TBCD: variants seen among roughly 807,000 people sequenced by gnomAD.
The protein encoded by TBCD is tubulin folding cofactor D.
A neutral mutation model predicts 169.3 loss-of-function variants in TBCD; 105 were observed. That is an observed-to-expected ratio of 0.62 (90% confidence interval 0.53 to 0.73). The LOEUF (loss-of-function observed/expected upper bound fraction) is 0.73, where lower values mean the gene tolerates loss of function less well. TBCD is among the 30% of genes least tolerant of loss of function. The probability of loss-of-function intolerance (pLI) is 0.00; values close to 1 mark genes in which losing one functional copy is unlikely to be tolerated. For missense variants in TBCD, 1,444 were observed against 1,600.1 expected, an observed-to-expected ratio of 0.90 and a Z score of 1.66; for synonymous variants, 700 against 643.9, an observed-to-expected ratio of 1.09 and a Z score of -1.32.
intron 13 of TBCD, among the ~76,000 whole-genome samples, chr17:82,862,038 T>G (rs1452913528): frequency 6.6e-6 from 1 of 152,100 alleles, no homozygotes; most frequent in African/African-American, 2.4e-5. Flanking sequence ...TTCTCCTGCC[T>G]CAGCCTCCTG....
At chr17:82,762,649 T>C (rs2047825932) in intron 2 of TBCD, among the ~76,000 whole-genome samples, 1 of 151,840 alleles carries the variant, frequency 6.6e-6, no homozygotes, top group South Asian at 2.1e-4. Flanking sequence ...CTCAGGAGGC[T>C]GAGGCACGAG....
intron 6 of TBCD, among the ~76,000 whole-genome samples, chr17:82,772,726 G>A (rs913871053): frequency 6.6e-6 from 1 of 152,188 alleles, no homozygotes; most frequent in African/African-American, 2.4e-5. Flanking sequence ...GGGTGCTGGT[G>A]GGGGTCACCT....
chr17:82,764,060 A>G lies in TBCD; in HGVS notation c.331A>G (p.Lys111Glu), dbSNP rs907883723. ...LAFKFLYIITKVRGYKTFLRL... is the reference protein window; with the variant it reads ...LAFKFLYIITEVRGYKTFLRL... ...TTTTAAATTTCTTTACATCATCACC[A>G]AGGTAACATTTCCATAGCACTTCAG... The change falls in exon 3 of 39, where the codon AAG (lysine) becomes GAG (glutamate). Residue 111 changes from lysine to glutamate, a missense_variant and splice_region_variant. Transcript: ENST00000355528. 1.2e-6 allele frequency: 2 copies of G among 1,611,838 alleles called. No individual in the cohort carries two copies. The highest frequency in any genetic ancestry group is 1.1e-5 in the South Asian group (1 of 90,904).
chr17:82,835,521 CAAGAGATT>C lies in TBCD; in HGVS notation c.1318+20588_1318+20595del, dbSNP rs1344478022. Among the ~76,000 whole-genome samples the C allele has an allele frequency of 6.6e-6, 1 of 152,154 alleles. No homozygotes were observed. The highest frequency in any genetic ancestry group is 1.5e-5 in the Non-Finnish European group (1 of 68,028). ...CACTGCAACCTCTGCCTCCTGGGTTCAAGAGATTCTCCTGCCTCAGCCTCCCTAGTAGC... is the reference window on the plus strand; with the variant it reads ...CACTGCAACCTCTGCCTCCTGGGTTCCTCCTGCCTCAGCCTCCCTAGTAGC... On this transcript the variant is annotated intron_variant, in intron 13 of 38. Coordinates refer to ENST00000355528, the MANE Select transcript of TBCD (RefSeq NM_005993.5). The surrounding 1 kb of genome is among the most constrained non-coding windows in gnomAD (Gnocchi z 4.5).
intron 13 of TBCD, among the ~76,000 whole-genome samples, chr17:82,856,795 C>G (rs370858401): frequency 0.038 from 938 of 24,660 alleles, 7 homozygotes; most frequent in African/African-American, 0.081. Flanking sequence ...CGGACCCTCG[C>G]TGCGCATCCA....
At chr17:82,813,915 G>A (rs1357517258) in intron 12 of TBCD, among the ~76,000 whole-genome samples, 1 of 152,156 alleles carries the variant, frequency 6.6e-6, no homozygotes, top group African/African-American at 2.4e-5. Context: ...CAGCCACTGG[G>A]CGGACAGGCA....
chr17:82,889,769 T>C lies in TBCD; in HGVS notation c.1563+72T>C, dbSNP rs966997517. 2.0e-5 allele frequency: 32 copies of C among 1,574,944 alleles called. No individual in the cohort carries two copies. Among genetic ancestry groups the C allele is most frequent in the Middle Eastern group, 3.3e-4 (2 of 5,990 alleles). On this transcript the variant is annotated intron_variant, in intron 16 of 38. Coordinates refer to ENST00000355528, the MANE Select transcript of TBCD (RefSeq NM_005993.5). The surrounding 1 kb of genome is among the most constrained non-coding windows in gnomAD (Gnocchi z 5.3). ...TTATAGGTAGGAATCTTGAGAGCTA[T>C]AACCCTGGTGTCTTCTCGCACTGTG...
rs1259908866 is a variant in TBCD, at chr17:82,874,334, G to A, written c.1475+3954G>A. 6.6e-6 allele frequency among the ~76,000 whole-genome samples: 1 copy of A among 152,142 alleles called. No homozygotes were observed. The highest frequency in any genetic ancestry group is 6.5e-5 in the Admixed American group (1 of 15,280). On this transcript the variant is annotated intron_variant, in intron 14 of 38. Coordinates refer to ENST00000355528, the MANE Select transcript of TBCD (RefSeq NM_005993.5). This position sits in a 1 kb window ranked among gnomAD's most constrained non-coding sequence, Gnocchi z 5.0. ...TGGACTGCACAGCCAGGGCCTCCCC[G>A]GCATGTGGCGGGGCCAGCGTTGGCC...
chr17:82,895,121 A>C (rs970104452), intron 17 of TBCD, among the ~76,000 whole-genome samples: 3 of 152,228 alleles, frequency 2.0e-5, no homozygotes, highest in African/African-American at 7.2e-5. Context: ...GCGTTTTATA[A>C]AAACATTTGC....
At position 82,781,682 on chromosome 17, in the gene TBCD, GCAGGGGGTCATCAC is replaced by G. The variant is rs1224901148; in HGVS notation, c.735_748del (p.Gln245HisfsTer13). The G allele has an allele frequency of 6.2e-7, 1 of 1,613,862 alleles. No homozygotes were observed. The stretch of plus-strand genomic sequence containing the variant: ...TGGCCCGTTCCTCCTTCCAGACCAT[GCAGGGGGTCATCAC>G]CATGGATGGGACGCTGCAGGCCCTG... On this transcript the variant is annotated frameshift_variant, in exon 7 of 39. Transcript: ENST00000355528. LOFTEE classifies it high-confidence loss of function.
chr17:82,916,433 T>TG (rs1182568497), intron 23 of TBCD, among the ~76,000 whole-genome samples: 1 of 151,662 alleles, frequency 6.6e-6, no homozygotes, highest in Admixed American at 6.6e-5. Context: ...TTAGTGGAGA[T>TG]GGGGTTCCAC....
At chr17:82,939,201 C>T (rs2062910998) in intron 36 of TBCD, 166 bp from the exon 37 acceptor site, 1 of 651,784 alleles carries the variant, frequency 1.5e-6, no homozygotes, top group Non-Finnish European at 2.7e-6. Flanking sequence ...GCCTGGAAGG[C>T]ACCTCCTCTT....
intron 13 of TBCD, among the ~76,000 whole-genome samples, chr17:82,861,021 G>T (rs2056714119): frequency 6.6e-6 from 1 of 152,222 alleles, no homozygotes; most frequent in Non-Finnish European, 1.5e-5. Flanking sequence ...GTATTCTTCT[G>T]TTTAATTTTA....
intron 13 of TBCD, among the ~76,000 whole-genome samples, chr17:82,824,648 GC>G (rs1258763467): frequency 6.6e-6 from 1 of 152,088 alleles, no homozygotes; most frequent in Non-Finnish European, 1.5e-5. Flanking sequence ...GTGCACCACC[GC>G]CCCTGGCCAT....
At chr17:82,905,003 A>G (rs1404086068) in intron 19 of TBCD, among the ~76,000 whole-genome samples, 1 of 152,172 alleles carries the variant, frequency 6.6e-6, no homozygotes, top group Non-Finnish European at 1.5e-5. Context: ...TTCTCAAACC[A>G]TCGCAAGCCT....
At chr17:82,898,430 T>G (rs1567986141) in intron 17 of TBCD, among the ~76,000 whole-genome samples, 1 of 152,218 alleles carries the variant, frequency 6.6e-6, no homozygotes, top group Non-Finnish European at 1.5e-5. Flanking sequence ...ACCCTGGGGC[T>G]TGGGCCGTTG....
rs2061378486 is a variant in TBCD, at chr17:82,920,824, C to G, written c.2101+206C>G. ...CCCTCTCCCCCCAACACAGGAGGGC[C>G]CTTCCCCGCCGTCACCTCAGTACCC... On this transcript the variant is annotated intron_variant, in intron 24 of 38. Coordinates refer to ENST00000355528, the MANE Select transcript of TBCD (RefSeq NM_005993.5). This position sits in a 1 kb window ranked among gnomAD's most constrained non-coding sequence, Gnocchi z 4.1. 6.6e-6 allele frequency among the ~76,000 whole-genome samples: 1 copy of G among 152,150 alleles called. No homozygotes were observed.
chr17:82,868,986 C>A (rs970602365), intron 13 of TBCD, among the ~76,000 whole-genome samples: 6 of 151,610 alleles, frequency 4.0e-5, no homozygotes, highest in African/African-American at 1.2e-4. Context: ...GAGACCCTGG[C>A]GTGTGCGTGG....
In TBCD at chr17:82,884,245, G is replaced by C. The variant is rs1215600680; in HGVS notation, c.1533+43G>C. 1.3e-6 allele frequency: 2 copies of C among 1,540,440 alleles called. No individual in the cohort carries two copies. Among genetic ancestry groups the C allele is most frequent in the East Asian group, 2.4e-5 (1 of 42,374 alleles). Reference sequence around the variant, plus strand: ...GATATTTCCTTTCCTGAAGGTGGGGGGTGGGCCTGGTCTCCCTGATGCTCC... The same window carrying C: ...GATATTTCCTTTCCTGAAGGTGGGGCGTGGGCCTGGTCTCCCTGATGCTCC... On this transcript the variant is annotated intron_variant, in intron 15 of 38. Coordinates refer to ENST00000355528, the MANE Select transcript of TBCD (RefSeq NM_005993.5). The surrounding 1 kb of genome is among the most constrained non-coding windows in gnomAD (Gnocchi z 4.2).
Sources: gnomAD v4.1 joint callset for allele counts (sites outside exome capture counted in the v4.1 genomes callset) on GRCh38, gnomAD v4.1.1 for gene constraint, Gnocchi (gnomAD v3.1) non-coding constraint, MANE v1.5 for transcripts, NCBI Gene and HGNC (gene_info 2026-07-23, HGNC 2026-07-21) for gene names.